Variants in FAM217B observed in about 807,000 individuals in gnomAD.
The protein encoded by FAM217B is family with sequence similarity 217 member B, also known as protein FAM217B.
For missense variants in FAM217B, 463 were observed against 456.9 expected, an observed-to-expected ratio of 1.01 and a Z score of -0.12; for synonymous variants, 163 against 173.0, an observed-to-expected ratio of 0.94 and a Z score of 0.45.
chr20:59,943,968 A>G lies in FAM217B; in HGVS notation c.25A>G (p.Lys9Glu), dbSNP rs1301988564. The change falls in exon 4 of 4, where the codon AAA becomes GAA. Residue 9 changes from lysine (K) to glutamate (E), a missense_variant. Coordinates refer to ENST00000360816, the MANE Select transcript of FAM217B (RefSeq NM_022106.3). MNAGPSWNKVQHSKNSSGK... is the reference protein window; with the variant it reads MNAGPSWNEVQHSKNSSGK... ...TATGAATGCTGGCCCATCTTGGAAT[A>G]AAGTGCAACATTCAAAGAATTCTTC... 2 of 1,605,334 alleles carry G rather than the reference A, an allele frequency of 1.2e-6. No homozygotes were observed. Among genetic ancestry groups the G allele is most frequent in the African/African-American group, 1.3e-5 (1 of 74,386 alleles).
At chr20:59,938,013 CCTT>C (rs1301622747), upstream of FAM217B, 4 of 152,306 alleles carry the variant, frequency 2.6e-5, no homozygotes, top group East Asian at 3.9e-4. Flanking sequence ...GCTGAAAACA[CCTT>C]CTAGTTCCAC....
rs1282133539 is a variant in FAM217B at position 59,944,463 on chromosome 20, G to A, written c.520G>A (p.Val174Met). The A allele has an allele frequency of 6.2e-7, 1 of 1,613,954 alleles. No individual in the cohort carries two copies. Among genetic ancestry groups the A allele is most frequent in the Admixed American group, 1.7e-5 (1 of 59,972 alleles). Residue 174 changes from valine to methionine, a missense_variant, in exon 4 of 4, where the codon GTG (valine) becomes ATG (methionine). Coordinates refer to ENST00000360816, the MANE Select transcript of FAM217B (RefSeq NM_022106.3). ...AENKTEAVPR[V>M]GGLLGKYIDR... ...GAACAAAACGGAAGCCGTGCCCCGA[G>A]TGGGAGGACTTCTTGGGAAGTATAT...
At chr20:59,938,014 C>T (rs2060872674), upstream of FAM217B, 1 of 152,126 alleles carries the variant, frequency 6.6e-6, no homozygotes, top group Admixed American at 6.5e-5. Context: ...CTGAAAACAC[C>T]TTCTAGTTCC....
At chr20:59,942,032 C>T (rs1278076506) in intron 1 of FAM217B, 166 bp from the exon 2 acceptor site, 1 of 152,274 alleles carries the variant, frequency 6.6e-6, no homozygotes, top group Admixed American at 6.5e-5. Flanking sequence ...AAGACAATGT[C>T]TCCCTTCCCC....
chr20:59,946,684 C>T lies in FAM217B; in HGVS notation c.*1589C>T, dbSNP rs929531984. On this transcript the variant is annotated 3_prime_UTR_variant, in exon 4 of 4. Coordinates refer to ENST00000360816, the MANE Select transcript of FAM217B (RefSeq NM_022106.3). ...TCCTTCTTACATTCTTTCCCTCTCA[C>T]ACCATCCTACTGGAGAAAGCATACT... 10 of 167,076 alleles carry T rather than the reference C, an allele frequency of 6.0e-5. No homozygotes were observed. The highest frequency in any genetic ancestry group is 2.2e-4 in the African/African-American group (9 of 41,452). 10.3% of individuals were successfully genotyped at this position (167,076 alleles called of 1,614,324 possible). A position where few individuals can be genotyped will look rare whatever the true frequency, so the allele number is the denominator to read the frequency against.
chr20:59,939,679 C>A, upstream of FAM217B: 1 of 1,445,190 alleles, frequency 6.9e-7, no homozygotes, highest in Non-Finnish European at 9.0e-7. Flanking sequence ...GCGCCCGCGG[C>A]CTTCTGGCGG....
At chr20:59,940,083 G>C, upstream of FAM217B, 1 of 524,950 alleles carries the variant, frequency 1.9e-6, no homozygotes, top group Non-Finnish European at 3.0e-6. Flanking sequence ...CCCTTGGTTC[G>C]CCACCTTGCT....
At chr20:59,940,941 A>G (rs1276316645) in intron 1 of FAM217B, among the ~76,000 whole-genome samples, 3 of 152,118 alleles carry the variant, frequency 2.0e-5, no homozygotes, top group African/African-American at 7.2e-5. Context: ...AAGAGTTATT[A>G]CCCGCTGATG....
At chr20:59,938,035 T>C (rs1224716257), upstream of FAM217B, 2 of 152,220 alleles carry the variant, frequency 1.3e-5, no homozygotes, top group Non-Finnish European at 2.9e-5. Flanking sequence ...ACCTTGTAAC[T>C]GGACTCCCAA....
chr20:59,946,876 C>T lies in FAM217B; in HGVS notation c.*1781C>T, dbSNP rs2060939932. The T allele has an allele frequency of 6.0e-6, 1 of 167,048 alleles. No individual in the cohort carries two copies. The allele number at this position is 167,048 out of a possible 1,614,324, so 10.3% of individuals were successfully genotyped here. On this transcript the variant is annotated 3_prime_UTR_variant, in exon 4 of 4. Coordinates refer to ENST00000360816, the MANE Select transcript of FAM217B (RefSeq NM_022106.3). ...TTTTCCTGTAGTTCCTGAGTGATGT[C>T]TGTGTGTTCCTTGCCTGCCCTTTTT...
intron 1 of FAM217B, among the ~76,000 whole-genome samples, chr20:59,941,803 G>A (rs1487394153): frequency 6.6e-6 from 1 of 152,184 alleles, no homozygotes; most frequent in Non-Finnish European, 1.5e-5. Context: ...ATGAATGAAT[G>A]ATTGGGCAAT....
intron 1 of FAM217B, among the ~76,000 whole-genome samples, chr20:59,935,123 A>C (rs1195759110): frequency 6.6e-6 from 1 of 152,218 alleles, no homozygotes; most frequent in African/African-American, 2.4e-5. Flanking sequence ...AAAATGTAAG[A>C]AGATCGAAGA....
At chr20:59,934,076 G>A (rs1251171410) in intron 1 of FAM217B, among the ~76,000 whole-genome samples, 1 of 152,118 alleles carries the variant, frequency 6.6e-6, no homozygotes, top group Non-Finnish European at 1.5e-5. Context: ...AGAGCCACTG[G>A]GACCCGCGGC....
Position 59,948,254 on chromosome 20 carries a change from T to C in FAM217B, c.*3159T>C, listed in dbSNP as rs1321851306. The C allele has an allele frequency of 1.8e-5, 3 of 167,036 alleles. No individual in the cohort carries two copies. Among genetic ancestry groups the C allele is most frequent in the African/African-American group, 7.2e-5 (3 of 41,444 alleles). 10.3% of individuals were successfully genotyped at this position (167,036 alleles called of 1,614,324 possible). A position where few individuals can be genotyped will look rare whatever the true frequency, so the allele number is the denominator to read the frequency against. ...TGAATAGGATAGACTTCATACCCTGTGACAAAAAGGATGGGGAAGAGAATA... is the reference window on the plus strand; with the variant it reads ...TGAATAGGATAGACTTCATACCCTGCGACAAAAAGGATGGGGAAGAGAATA... On this transcript the variant is annotated 3_prime_UTR_variant, in exon 4 of 4. Coordinates refer to ENST00000360816, the MANE Select transcript of FAM217B (RefSeq NM_022106.3).
intron 3 of FAM217B, among the ~76,000 whole-genome samples, chr20:59,942,951 TATTA>T (rs1771427020): frequency 6.6e-6 from 1 of 152,236 alleles, no homozygotes; most frequent in Non-Finnish European, 1.5e-5. Context: ...CCTGCATATT[TATTA>T]ATTAAAATGT....
chr20:59,935,161 T>C (rs2060852179), intron 1 of FAM217B, among the ~76,000 whole-genome samples: 1 of 152,232 alleles, frequency 6.6e-6, no homozygotes. Flanking sequence ...CCTGGCAATT[T>C]TGCATAATTA....
At position 59,945,082 on chromosome 20, in the gene FAM217B, A is replaced by G. The variant is rs6027210; in HGVS notation, c.1139A>G (p.Tyr380Cys). 6.3e-7 allele frequency: 1 copy of G among 1,581,050 alleles called. No homozygotes were observed. The highest frequency in any genetic ancestry group is 8.6e-7 in the Non-Finnish European group (1 of 1,167,606). The part of the protein sequence containing the change: ...LKTNGVKQNT[Y>C]KLK ...ACAAACGGAGTAAAGCAAAACACAT[A>G]TAAACTAAAATAAATATCTAAAATG... The change falls in exon 4 of 4, where the codon TAT becomes TGT. Residue 380 changes from tyrosine (Y) to cysteine (C), a missense_variant. Transcript: ENST00000360816.
rs1171378651 is a variant in FAM217B, at chr20:59,945,754, G to A, written c.*659G>A. 6.0e-6 allele frequency: 1 copy of A among 166,508 alleles called. No homozygotes were observed. Among genetic ancestry groups the A allele is most frequent in the Non-Finnish European group, 1.5e-5 (1 of 68,024 alleles). 10.3% of individuals were successfully genotyped at this position (166,508 alleles called of 1,614,324 possible). On this transcript the variant is annotated 3_prime_UTR_variant, in exon 4 of 4. Transcript: ENST00000360816. ...ATGGTTTTTTTTTTCTTTTTTGAGG[G>A]GCATTTTAAACTTAGAGGTGGTGGT...
chr20:59,942,986 C>T (rs1018183448), intron 3 of FAM217B, among the ~76,000 whole-genome samples: 1 of 152,176 alleles, frequency 6.6e-6, no homozygotes, highest in Non-Finnish European at 1.5e-5. Context: ...CAAATAGTTG[C>T]TTAGGTTGTT....
Sources: allele counts gnomAD v4.1 joint callset (sites outside exome capture counted in the v4.1 genomes callset), GRCh38; gene constraint gnomAD v4.1.1; transcripts MANE v1.5; gene names NCBI Gene and HGNC (gene_info 2026-07-23, HGNC 2026-07-21).